CHCHD3: variants seen among roughly 807,000 people sequenced by gnomAD.
CHCHD3 encodes MICOS complex subunit MIC19.
In CHCHD3, 20 loss-of-function variants were observed where a neutral mutation model predicts 38.2. The ratio of observed to expected loss-of-function variants is 0.52; its 90% confidence interval spans 0.37 to 0.76. The LOEUF (loss-of-function observed/expected upper bound fraction) is 0.76, where lower values mean the gene tolerates loss of function less well. CHCHD3 is among the 30% of genes least tolerant of loss of function. CHCHD3 has a pLI of 0.00. For missense variants in CHCHD3, 245 were observed against 279.2 expected, an observed-to-expected ratio of 0.88 and a Z score of 0.87; for synonymous variants, 82 against 100.0, an observed-to-expected ratio of 0.82 and a Z score of 1.07.
chr7:133,015,577 G>C (rs549517339), intron 3 of CHCHD3, among the ~76,000 whole-genome samples: 2 of 152,190 alleles, frequency 1.3e-5, no homozygotes, highest in South Asian at 4.1e-4. Context: ...AGGTTTATAA[G>C]AGAAAATCCA....
chr7:133,003,191 G>A (rs893183984), intron 3 of CHCHD3, among the ~76,000 whole-genome samples: 1 of 152,092 alleles, frequency 6.6e-6, no homozygotes, highest in Admixed American at 6.6e-5. Flanking sequence ...CAGAGACAAT[G>A]TGAAACACGA....
chr7:133,008,500 G>A (rs1812767264), intron 3 of CHCHD3, among the ~76,000 whole-genome samples: 1 of 150,726 alleles, frequency 6.6e-6, no homozygotes, highest in African/African-American at 2.4e-5. Context: ...GCAAGGCCAA[G>A]AGTATTTCCA....
rs557625329 is a variant in CHCHD3, at chr7:132,826,851, C to T, written c.524+11548G>A. On this transcript the variant is annotated intron_variant, in intron 6 of 7. Transcript: ENST00000262570. ...AAATCCCTTTATCAAAAGTAATTTTCAAACCTTATCCAAGCCTACCTACAA... is the reference window on the plus strand; with the variant it reads ...AAATCCCTTTATCAAAAGTAATTTTTAAACCTTATCCAAGCCTACCTACAA... Among the ~76,000 whole-genome samples the T allele has an allele frequency of 5.9e-5, 9 of 152,252 alleles. No individual in the cohort carries two copies. In the South Asian group the frequency reaches 1.7e-3, roughly 28 times the overall value.
intron 3 of CHCHD3, among the ~76,000 whole-genome samples, chr7:133,008,887 G>A (rs57986036): frequency 0.012 from 1,830 of 150,902 alleles, 45 homozygotes; most frequent in African/African-American, 0.043. Flanking sequence ...GTTCTTGTCT[G>A]CAAAAAGCTG....
intron 4 of CHCHD3, among the ~76,000 whole-genome samples, chr7:132,940,823 T>C (rs1384972039): frequency 1.3e-5 from 2 of 152,172 alleles, no homozygotes; most frequent in African/African-American, 2.4e-5. Flanking sequence ...GGAAAGTACA[T>C]GGCTTTACTG....
intron 1 of CHCHD3, among the ~76,000 whole-genome samples, chr7:133,080,229 G>A (rs115421326): frequency 0.023 from 3,484 of 152,238 alleles, 137 homozygotes; most frequent in African/African-American, 0.08. Flanking sequence ...GAGGAATGCT[G>A]TCAAGTTATA....
At chr7:133,006,734 T>C (rs1812710248) in intron 3 of CHCHD3, among the ~76,000 whole-genome samples, 1 of 152,076 alleles carries the variant, frequency 6.6e-6, no homozygotes, top group South Asian at 2.1e-4. Flanking sequence ...GGATTTACCC[T>C]AAGGAAATAA....
chr7:132,812,838 A>C (rs1807106556), intron 6 of CHCHD3, among the ~76,000 whole-genome samples: 1 of 152,130 alleles, frequency 6.6e-6, no homozygotes, highest in South Asian at 2.1e-4. Context: ...ACACTTTCTC[A>C]CAATAGATTT....
Position 132,940,755 on chromosome 7 carries a change from C to T in CHCHD3, c.369+34414G>A, listed in dbSNP as rs2117270075. ...ATTGACTTGGGTGGAAATAAGTGAG[C>T]TTGTTAAGAAAGACATCCTTGACAG... On this transcript the variant is annotated intron_variant, in intron 4 of 7. Transcript: ENST00000262570. 1.3e-5 allele frequency among the ~76,000 whole-genome samples: 2 copies of T among 152,234 alleles called. 1 individual carries two copies. Among genetic ancestry groups the T allele is most frequent in the South Asian group, 4.1e-4 (2 of 4,822 alleles).
At chr7:132,802,516 A>C (rs1482060332) in intron 6 of CHCHD3, among the ~76,000 whole-genome samples, 4 of 152,160 alleles carry the variant, frequency 2.6e-5, no homozygotes, top group Admixed American at 2.6e-4. Context: ...TCTCCAAAGA[A>C]TGAGGGTCCC....
intron 5 of CHCHD3, among the ~76,000 whole-genome samples, chr7:132,859,757 C>T (rs902176469): frequency 6.6e-6 from 1 of 152,114 alleles, no homozygotes; most frequent in Admixed American, 6.5e-5. Flanking sequence ...AGAAGTAACC[C>T]CCAGTTCAGA....
chr7:133,057,038 T>A (rs553762454), intron 2 of CHCHD3, among the ~76,000 whole-genome samples: 4 of 152,338 alleles, frequency 2.6e-5, no homozygotes, highest in Admixed American at 2.6e-4. Flanking sequence ...GTAGCCCTAT[T>A]TCTGAAAGCA....
intron 4 of CHCHD3, among the ~76,000 whole-genome samples, chr7:132,907,624 A>T (rs1046832505): frequency 1.3e-5 from 2 of 152,186 alleles, no homozygotes; most frequent in African/African-American, 4.8e-5. Context: ...GTCTGTAGGA[A>T]GACTTAACTG....
At chr7:132,935,981 T>C (rs982170811) in intron 4 of CHCHD3, among the ~76,000 whole-genome samples, 5 of 152,126 alleles carry the variant, frequency 3.3e-5, no homozygotes, top group Admixed American at 2.6e-4. Context: ...AGGAGACCAT[T>C]GCCTGGACAA....
intron 2 of CHCHD3, among the ~76,000 whole-genome samples, chr7:133,050,485 T>C (rs1348627438): frequency 6.7e-6 from 1 of 150,298 alleles, no homozygotes; most frequent in Non-Finnish European, 1.5e-5. Context: ...AGGGTGACAG[T>C]ATAGGAAAAA....
chr7:132,927,026 T>A (rs554173831), intron 4 of CHCHD3, among the ~76,000 whole-genome samples: 1 of 152,310 alleles, frequency 6.6e-6, no homozygotes, highest in East Asian at 1.9e-4. Flanking sequence ...AATACAGCTA[T>A]GATTAGAATT....
intron 4 of CHCHD3, among the ~76,000 whole-genome samples, chr7:132,902,700 G>A (rs942292130): frequency 1.3e-5 from 2 of 152,104 alleles, no homozygotes; most frequent in Non-Finnish European, 2.9e-5. Context: ...GATAGCATTA[G>A]GAGAAATACC....
chr7:132,801,088 A>G (rs982570196), intron 6 of CHCHD3, among the ~76,000 whole-genome samples: 1 of 152,228 alleles, frequency 6.6e-6, no homozygotes, highest in Non-Finnish European at 1.5e-5. Context: ...ACACAAAACT[A>G]AAGCTACTAG....
At chr7:132,848,354 T>C (rs1808133482) in intron 5 of CHCHD3, among the ~76,000 whole-genome samples, 1 of 152,224 alleles carries the variant, frequency 6.6e-6, no homozygotes, top group Admixed American at 6.5e-5. Flanking sequence ...ATCAGCTAGA[T>C]GTAGGCAAGT....
Sources: gnomAD v4.1 joint callset for allele counts (sites outside exome capture counted in the v4.1 genomes callset) on GRCh38, gnomAD v4.1.1 for gene constraint, MANE v1.5 for transcripts, NCBI Gene and HGNC (gene_info 2026-07-23, HGNC 2026-07-21) for gene names.